CREBL2: variants seen among roughly 807,000 people sequenced by gnomAD.
CREBL2 encodes the protein cAMP-responsive element-binding protein-like 2.
Under a neutral mutation model 19.5 loss-of-function variants are expected in CREBL2, and 4 were observed. The observed-to-expected ratio is 0.20, with a 90% CI of 0.10 to 0.47. The LOEUF (loss-of-function observed/expected upper bound fraction) is 0.47. Ranked by LOEUF, CREBL2 falls within the 20% of genes least tolerant of loss-of-function variation. The pLI, the probability that CREBL2 is intolerant of heterozygous loss-of-function variation, is 0.98. For missense variants in CREBL2, 85 were observed against 145.1 expected, an observed-to-expected ratio of 0.59 and a Z score of 2.13; for synonymous variants, 42 against 46.6, an observed-to-expected ratio of 0.90 and a Z score of 0.40.
At chr12:12,623,984 A>C (rs980115805) in intron 1 of CREBL2, among the ~76,000 whole-genome samples, 1 of 152,232 alleles carries the variant, frequency 6.6e-6, no homozygotes, top group Non-Finnish European at 1.5e-5. Context: ...CTGGAGAGGC[A>C]AAGAATGGAT....
chr12:12,639,125 A>C (rs948130754), intron 3 of CREBL2, among the ~76,000 whole-genome samples: 1 of 152,298 alleles, frequency 6.6e-6, no homozygotes, highest in Non-Finnish European at 1.5e-5. Context: ...TTCGAGGTTC[A>C]TCCACATTGT....
chr12:12,625,225 C>T (rs1000387579), intron 1 of CREBL2, among the ~76,000 whole-genome samples: 13 of 152,022 alleles, frequency 8.6e-5, no homozygotes, highest in South Asian at 2.1e-4. Context: ...GGGGTTTTGT[C>T]GGGGACCCAC....
rs761775297 is a variant in CREBL2, at chr12:12,612,210, G to T, written c.15+23G>T. 3 of 1,613,280 alleles carry T rather than the reference G, an allele frequency of 1.9e-6. No individual in the cohort carries two copies. The Admixed American group carries it at 5.0e-5, about 27-fold the overall frequency. Reference sequence around the variant, plus strand: ...AAGGTAAGTCTTGTGGTTTGCACGCGCCGCCGCCTTCTTGTCGCTCAATGC... The same window carrying T: ...AAGGTAAGTCTTGTGGTTTGCACGCTCCGCCGCCTTCTTGTCGCTCAATGC... On this transcript the variant is annotated intron_variant, in intron 1 of 3. Transcript: ENST00000228865.
intron 3 of CREBL2, among the ~76,000 whole-genome samples, chr12:12,641,244 A>ATTTTTTTTTTTTTTT (rs1566116871): frequency 6.4e-5 from 1 of 15,584 alleles, no homozygotes; most frequent in African/African-American, 1.1e-4. Context: ...TATTATTATT[A>ATTTTTTTTTTTTTTT]TTATTATTAT....
intron 1 of CREBL2, among the ~76,000 whole-genome samples, chr12:12,630,969 C>G (rs1945438791): frequency 1.3e-5 from 2 of 152,068 alleles, no homozygotes; most frequent in South Asian, 4.1e-4. Context: ...ATACTGATTA[C>G]CAGGTACTAA....
rs1945471726 is a variant in CREBL2, at chr12:12,635,977, A to G, written c.213+3A>G. The G allele has an allele frequency of 1.9e-6, 3 of 1,611,472 alleles. No individual in the cohort carries two copies. The highest frequency in any genetic ancestry group is 2.7e-5 in the African/African-American group (2 of 74,838). ...CCCTCAGAGAGGAACTGGAAATGGTAAGAAATCGTCAGTAAACACATGAAA... is the reference window on the plus strand; with the variant it reads ...CCCTCAGAGAGGAACTGGAAATGGTGAGAAATCGTCAGTAAACACATGAAA... On this transcript the variant is annotated splice_donor_region_variant and intron_variant, in intron 2 of 3. Transcript: ENST00000228865.
chr12:12,637,533 A>T, intron 2 of CREBL2, 37 bp from the exon 3 acceptor site: 1 of 1,226,110 alleles, frequency 8.2e-7, no homozygotes, highest in Non-Finnish European at 1.0e-6. Flanking sequence ...AATATGTTTT[A>T]AATTTATATT....
At chr12:12,617,643 C>CTTTTTTTTTATTTT (rs1945321011) in intron 1 of CREBL2, among the ~76,000 whole-genome samples, 1 of 38,716 alleles carries the variant, frequency 2.6e-5, no homozygotes, top group African/African-American at 8.2e-5. Context: ...TTTAGTAATT[C>CTTTTTTTTTATTTT]TTTTTTTTTT....
chr12:12,624,188 T>G (rs1013433579), intron 1 of CREBL2, among the ~76,000 whole-genome samples: 15 of 152,348 alleles, frequency 9.8e-5, no homozygotes, highest in Non-Finnish European at 2.1e-4. Flanking sequence ...TTTCTTGAAC[T>G]CGAGGGTGAC....
At chr12:12,613,981 CTTTTTTTTCT>C (rs1206219462) in intron 1 of CREBL2, among the ~76,000 whole-genome samples, 31 of 93,376 alleles carry the variant, frequency 3.3e-4, no homozygotes, top group Non-Finnish European at 5.9e-4. Context: ...TTTCTTTTTT[CTTTTTTTTCT>C]TTTTTTTTTT....
chr12:12,643,268 A>T lies in CREBL2; in HGVS notation c.*1270A>T, dbSNP rs1410095883. 2 of 152,568 alleles carry T rather than the reference A, an allele frequency of 1.3e-5. No individual in the cohort carries two copies. The highest frequency in any genetic ancestry group is 4.8e-5 in the African/African-American group (2 of 41,426). The allele number at this position is 152,568 out of a possible 1,614,324, so 9.5% of individuals were successfully genotyped here. A position where few individuals can be genotyped will look rare whatever the true frequency, so the allele number is the denominator to read the frequency against. ...AGCTACACTTACTTTCTCCCTGACTACCAAATGGAGTGACGGTTGAAGAAT... is the reference window on the plus strand; with the variant it reads ...AGCTACACTTACTTTCTCCCTGACTTCCAAATGGAGTGACGGTTGAAGAAT... On this transcript the variant is annotated 3_prime_UTR_variant, in exon 4 of 4. Coordinates refer to ENST00000228865, the MANE Select transcript of CREBL2 (RefSeq NM_001310.4).
At chr12:12,631,693 C>A (rs1455476503) in intron 1 of CREBL2, among the ~76,000 whole-genome samples, 1 of 152,140 alleles carries the variant, frequency 6.6e-6, no homozygotes, top group African/African-American at 2.4e-5. Flanking sequence ...TAATTAACGC[C>A]CCCTATCTGT....
In CREBL2 at chr12:12,614,557, T is replaced by C; in HGVS notation, c.15+2370T>C. 2 of 189,282 alleles carry C rather than the reference T, an allele frequency of 1.1e-5. 1 individual carries two copies. The highest frequency in any genetic ancestry group is 1.8e-4 in the South Asian group (2 of 11,168). The allele number at this position is 189,282 out of a possible 1,614,324, so 11.7% of individuals were successfully genotyped here. A position where few individuals can be genotyped will look rare whatever the true frequency, so the allele number is the denominator to read the frequency against. On this transcript the variant is annotated intron_variant, in intron 1 of 3. Coordinates refer to ENST00000228865, the MANE Select transcript of CREBL2 (RefSeq NM_001310.4). ...ATCACAACTCACTGCAGCCTCGAACTCCTGGGCTCAAAGCAATCCTCCACC... is the reference window on the plus strand; with the variant it reads ...ATCACAACTCACTGCAGCCTCGAACCCCTGGGCTCAAAGCAATCCTCCACC...
chr12:12,621,031 T>G (rs1023452224), intron 1 of CREBL2, among the ~76,000 whole-genome samples: 2 of 152,202 alleles, frequency 1.3e-5, no homozygotes, highest in Non-Finnish European at 2.9e-5. Flanking sequence ...AGATGGAATA[T>G]CCTGTTGTAA....
At chr12:12,634,392 T>C (rs1945459928) in intron 1 of CREBL2, among the ~76,000 whole-genome samples, 1 of 152,220 alleles carries the variant, frequency 6.6e-6, no homozygotes, top group Admixed American at 6.5e-5. Context: ...ATTGAGAGGT[T>C]GCTTTATGAC....
intron 1 of CREBL2, among the ~76,000 whole-genome samples, chr12:12,617,643 C>CTTTTATTTTTTTTTT: frequency 2.6e-5 from 1 of 38,716 alleles, no homozygotes; most frequent in South Asian, 1.3e-3. Flanking sequence ...TTTAGTAATT[C>CTTTTATTTTTTTTTT]TTTTTTTTTT....
chr12:12,635,236 G>A (rs1945465839), intron 1 of CREBL2, among the ~76,000 whole-genome samples: 1 of 151,990 alleles, frequency 6.6e-6, no homozygotes, highest in Non-Finnish European at 1.5e-5. Context: ...AGGCATGGTG[G>A]CTCATGCCTA....
At position 12,611,895 on chromosome 12, in the gene CREBL2, A is replaced by C; in HGVS notation, c.-278A>C. The C allele has an allele frequency of 1.9e-6, 1 of 516,596 alleles. No individual in the cohort carries two copies. The highest frequency in any genetic ancestry group is 3.4e-6 in the Non-Finnish European group (1 of 291,798). 32.0% of individuals were successfully genotyped at this position (516,596 alleles called of 1,614,324 possible). On this transcript the variant is annotated 5_prime_UTR_variant, in exon 1 of 4. Transcript: ENST00000228865. ...CCCTCCGGTCTCGGCGGCTCTCCAG[A>C]GCGTCTGTAAACACCCAGAGACTGT...
In CREBL2 at chr12:12,642,588, T is replaced by C. The variant is rs1198036062; in HGVS notation, c.*590T>C. On this transcript the variant is annotated 3_prime_UTR_variant, in exon 4 of 4. Coordinates refer to ENST00000228865, the MANE Select transcript of CREBL2 (RefSeq NM_001310.4). The stretch of plus-strand genomic sequence containing the variant: ...ATGTATTAACAAATATATACATTTC[T>C]ATTTTTATAATCCATAAGGATATGC... The C allele has an allele frequency of 6.6e-6, 1 of 152,608 alleles. No homozygotes were observed. Among genetic ancestry groups the C allele is most frequent in the Admixed American group, 6.5e-5 (1 of 15,286 alleles). The allele number at this position is 152,608 out of a possible 1,614,324, so 9.5% of individuals were successfully genotyped here. A position where few individuals can be genotyped will look rare whatever the true frequency, so the allele number is the denominator to read the frequency against.
Sources: allele counts gnomAD v4.1 joint callset (sites outside exome capture counted in the v4.1 genomes callset), GRCh38; gene constraint gnomAD v4.1.1; transcripts MANE v1.5; gene names NCBI Gene and HGNC (gene_info 2026-07-23, HGNC 2026-07-21).